Variants in SNCAIP observed in about 807,000 individuals in gnomAD.
SNCAIP encodes synphilin-1.
Under a neutral mutation model 86.7 loss-of-function variants are expected in SNCAIP, and 43 were observed. The observed-to-expected ratio is 0.50, with a 90% CI of 0.39 to 0.64. The LOEUF is 0.64. Ranked by LOEUF, SNCAIP falls within the 30% of genes least tolerant of loss-of-function variation. The pLI is 0.00. For synonymous variants in SNCAIP, 417 were observed against 427.2 expected (o/e 0.98, Z 0.29); for missense variants, 981 against 1,103.1 (o/e 0.89, Z 1.57).
intron 1 of SNCAIP, among the ~76,000 whole-genome samples, chr5:122,357,771 T>G (rs886366646): frequency 2.0e-5 from 3 of 152,124 alleles, no homozygotes; most frequent in African/African-American, 7.2e-5. Flanking sequence ...AATGATGAAA[T>G]AAAGACTAAA....
chr5:122,320,310 C>T (rs1752654404), intron 1 of SNCAIP, among the ~76,000 whole-genome samples: 1 of 152,170 alleles, frequency 6.6e-6, no homozygotes, highest in African/African-American at 2.4e-5. Flanking sequence ...TTAACAGATG[C>T]TCAACAGCAA....
At position 122,451,218 on chromosome 5, in the gene SNCAIP, G is replaced by C; in HGVS notation, c.2371G>C (p.Val791Leu). Reference sequence around the variant, plus strand: ...CCCTGACAGTACTGCTGCCCAGAAAGTTGCCACAAGTCCCAAGAGTGCCCT... The same window carrying C: ...CCCTGACAGTACTGCTGCCCAGAAACTTGCCACAAGTCCCAAGAGTGCCCT... ...PSPDSTAAQK[V>L]ATSPKSALKS... Residue 791 changes from valine to leucine, a missense_variant, in exon 10 of 11, where the codon GTT becomes CTT. Coordinates refer to ENST00000261368, the MANE Select transcript of SNCAIP (RefSeq NM_005460.4). 1 of 1,614,150 alleles carries C rather than the reference G, an allele frequency of 6.2e-7. No homozygotes were observed. The highest frequency in any genetic ancestry group is 1.3e-5 in the African/African-American group (1 of 75,034).
At chr5:122,417,222 C>T (rs1246381088) in intron 3 of SNCAIP, among the ~76,000 whole-genome samples, 1 of 152,136 alleles carries the variant, frequency 6.6e-6, no homozygotes, top group Non-Finnish European at 1.5e-5. Context: ...TCTTAGGAGC[C>T]AAAGAGTTGC....
intron 3 of SNCAIP, among the ~76,000 whole-genome samples, chr5:122,420,890 T>C (rs940515729): frequency 9.2e-5 from 14 of 152,252 alleles, no homozygotes; most frequent in African/African-American, 3.1e-4. Context: ...ATTGATCTCT[T>C]ACTGGTGATT....
At chr5:122,413,753 A>C (rs1774651355) in intron 3 of SNCAIP, among the ~76,000 whole-genome samples, 1 of 151,332 alleles carries the variant, frequency 6.6e-6, no homozygotes, top group Non-Finnish European at 1.5e-5. Context: ...AAGAAAAAAG[A>C]AAAAAAAAGG....
Position 122,451,198 on chromosome 5 carries a change from A to T in SNCAIP, c.2351A>T (p.Asp784Val). The change falls in exon 10 of 11, where the codon GAC becomes GTC. Residue 784 changes from aspartate to valine, a missense_variant. Asp to Val is a radical substitution (Grantham distance 152). Coordinates refer to ENST00000261368, the MANE Select transcript of SNCAIP (RefSeq NM_005460.4). ...GGTGACCCTCAGCAGCCCAGCCCTG[A>T]CAGTACTGCTGCCCAGAAAGTTGCC... Reference protein sequence around the residue: ...PSGDPQQPSPDSTAAQKVATS... With the variant: ...PSGDPQQPSPVSTAAQKVATS... 1.2e-6 allele frequency: 2 copies of T among 1,614,116 alleles called. No homozygotes were observed. Among genetic ancestry groups the T allele is most frequent in the Non-Finnish European group, 1.7e-6 (2 of 1,180,012 alleles).
intron 8 of SNCAIP, among the ~76,000 whole-genome samples, chr5:122,448,651 T>TATATG (rs1782912454): frequency 7.5e-6 from 1 of 132,618 alleles, no homozygotes; most frequent in Non-Finnish European, 1.6e-5. Flanking sequence ...TATATATATT[T>TATATG]TTATATATAT....
At chr5:122,354,899 C>A (rs999706866) in intron 1 of SNCAIP, among the ~76,000 whole-genome samples, 15 of 152,056 alleles carry the variant, frequency 9.9e-5, no homozygotes, top group Admixed American at 9.8e-4. Context: ...AGTTGTATTT[C>A]TTTTCCTTTA....
At chr5:122,443,294 T>G (rs1285966697) in intron 7 of SNCAIP, among the ~76,000 whole-genome samples, 1 of 152,228 alleles carries the variant, frequency 6.6e-6, no homozygotes, top group Admixed American at 6.5e-5. Flanking sequence ...CATCATGATA[T>G]TGTCAAAGAA....
At chr5:122,420,352 G>A (rs1776136061) in intron 3 of SNCAIP, among the ~76,000 whole-genome samples, 1 of 152,086 alleles carries the variant, frequency 6.6e-6, no homozygotes, top group Non-Finnish European at 1.5e-5. Flanking sequence ...TGTAAATAAA[G>A]CCAACATAAA....
At chr5:122,334,060 A>G (rs1263669601) in intron 1 of SNCAIP, among the ~76,000 whole-genome samples, 2 of 152,232 alleles carry the variant, frequency 1.3e-5, no homozygotes, top group Non-Finnish European at 2.9e-5. Context: ...AAACAACAAC[A>G]TGAGAGGATG....
intron 10 of SNCAIP, among the ~76,000 whole-genome samples, 188 bp from the exon 11 acceptor site, chr5:122,463,303 C>T (rs1248210474): frequency 1.3e-5 from 2 of 152,180 alleles, no homozygotes; most frequent in Non-Finnish European, 2.9e-5. Flanking sequence ...TATTACATGA[C>T]TATTGCTTTC....
At chr5:122,443,625 C>T (rs1244078402) in intron 7 of SNCAIP, 2 of 456,898 alleles carry the variant, frequency 4.4e-6, no homozygotes, top group Admixed American at 2.4e-5. Context: ...CCTTTTTACA[C>T]ACCACTTTAG....
intron 3 of SNCAIP, among the ~76,000 whole-genome samples, chr5:122,411,160 A>G (rs138480323): frequency 3.9e-5 from 6 of 152,318 alleles, no homozygotes; most frequent in Non-Finnish European, 8.8e-5. Context: ...GTTAAAGGAA[A>G]TCTGCAGTAA....
chr5:122,384,632 T>C (rs1278523436), intron 1 of SNCAIP, among the ~76,000 whole-genome samples: 1 of 152,198 alleles, frequency 6.6e-6, no homozygotes, highest in Non-Finnish European at 1.5e-5. Context: ...GTCCTAAATC[T>C]TGATACAAAG....
intron 1 of SNCAIP, among the ~76,000 whole-genome samples, chr5:122,380,169 C>T (rs1272935931): frequency 6.6e-6 from 1 of 152,174 alleles, no homozygotes; most frequent in Non-Finnish European, 1.5e-5. Context: ...CCATCTGGTC[C>T]TGTACTCTTT....
chr5:122,355,506 T>C (rs1217533235), intron 1 of SNCAIP, among the ~76,000 whole-genome samples: 1 of 152,190 alleles, frequency 6.6e-6, no homozygotes, highest in African/African-American at 2.4e-5. Context: ...TAGAAACCTA[T>C]AAAATTGCCC....
At chr5:122,351,432 G>A (rs1345642007) in intron 1 of SNCAIP, among the ~76,000 whole-genome samples, 1 of 147,398 alleles carries the variant, frequency 6.8e-6, no homozygotes, top group Non-Finnish European at 1.5e-5. Flanking sequence ...AGCTACTTGC[G>A]AAGCTGAGGC....
At chr5:122,343,950 G>A (rs1758087166) in intron 1 of SNCAIP, among the ~76,000 whole-genome samples, 1 of 152,180 alleles carries the variant, frequency 6.6e-6, no homozygotes, top group Non-Finnish European at 1.5e-5. Flanking sequence ...TGAGGTCTAA[G>A]GCCAAGTTGA....
Sources: gnomAD v4.1 joint callset for allele counts (sites outside exome capture counted in the v4.1 genomes callset) on GRCh38, gnomAD v4.1.1 for gene constraint, MANE v1.5 for transcripts, NCBI Gene and HGNC (gene_info 2026-07-23, HGNC 2026-07-21) for gene names.